Variants in SLC7A11 observed in about 807,000 individuals in gnomAD.
SLC7A11 encodes the protein solute carrier family 7 member 11.
In SLC7A11, 35 loss-of-function variants were observed where a neutral mutation model predicts 54.5. That is an observed-to-expected ratio of 0.64 (90% CI 0.49 to 0.85). The LOEUF (loss-of-function observed/expected upper bound fraction) is 0.85, where lower values mean the gene tolerates loss of function less well. Among genes scored for constraint, SLC7A11 ranks in the 40% least tolerant of loss-of-function variants. The pLI, the probability that SLC7A11 is intolerant of heterozygous loss-of-function variation, is 0.00. For missense variants in SLC7A11, 583 were observed against 618.1 expected, an observed-to-expected ratio of 0.94 and a Z score of 0.60; for synonymous variants, 230 against 225.2, an observed-to-expected ratio of 1.02 and a Z score of -0.19.
chr4:138,226,457 C>G (rs1287627714), intron 3 of SLC7A11, among the ~76,000 whole-genome samples: 3 of 151,954 alleles, frequency 2.0e-5, no homozygotes, highest in Non-Finnish European at 2.9e-5. Context: ...TCTTAAAACC[C>G]TGCTTTATCT....
intron 7 of SLC7A11, among the ~76,000 whole-genome samples, chr4:138,184,502 T>G (rs1182040509): frequency 6.6e-6 from 1 of 152,124 alleles, no homozygotes; most frequent in Admixed American, 6.6e-5. Context: ...CAAATAAATT[T>G]TGGAAAATGC....
At chr4:138,236,247 AC>A in intron 2 of SLC7A11, 77 bp downstream of exon 2, 1 of 1,294,686 alleles carries the variant, frequency 7.7e-7, no homozygotes, top group Non-Finnish European at 1.1e-6. Context: ...CATGTGTCTA[AC>A]CAGTTAAAAA....
chr4:138,194,893 A>T (rs1312955974), intron 6 of SLC7A11, among the ~76,000 whole-genome samples: 1 of 152,166 alleles, frequency 6.6e-6, no homozygotes, highest in Non-Finnish European at 1.5e-5. Context: ...ATCCCTAAAG[A>T]TTGTTTAATA....
At chr4:138,239,322 T>C (rs1426860225) in intron 1 of SLC7A11, among the ~76,000 whole-genome samples, 1 of 152,148 alleles carries the variant, frequency 6.6e-6, no homozygotes, top group East Asian at 1.9e-4. Context: ...TCAAGCTTCA[T>C]AACCATTTTG....
rs778305798 is a variant in SLC7A11, at chr4:138,167,928, G to A, written c.*4028C>T. The A allele has an allele frequency of 3.3e-5, 5 of 151,950 alleles. No homozygotes were observed. The highest frequency in any genetic ancestry group is 7.4e-5 in the Non-Finnish European group (5 of 67,988). The allele number at this position is 151,950 out of a possible 1,614,324, so 9.4% of individuals were successfully genotyped here. A position where few individuals can be genotyped will look rare whatever the true frequency, so the allele number is the denominator to read the frequency against. On this transcript the variant is annotated 3_prime_UTR_variant, in exon 12 of 12. Coordinates refer to ENST00000280612, the MANE Select transcript of SLC7A11 (RefSeq NM_014331.4). The stretch of plus-strand genomic sequence containing the variant: ...TATTTTTCTATAGTTCAGAATCAAC[G>A]TATAAAATATGATGAAAGTGAAACT...
At chr4:138,217,407 T>A (rs1219668838) in intron 5 of SLC7A11, among the ~76,000 whole-genome samples, 1 of 152,172 alleles carries the variant, frequency 6.6e-6, no homozygotes, top group Admixed American at 6.6e-5. Flanking sequence ...GGGGTCAGCA[T>A]CAATAAAGTT....
intron 6 of SLC7A11, among the ~76,000 whole-genome samples, chr4:138,197,066 C>T (rs1483108031): frequency 1.3e-5 from 2 of 152,248 alleles, no homozygotes; most frequent in East Asian, 1.9e-4. Flanking sequence ...AGAAAGATGT[C>T]AAGAATGAAA....
At chr4:138,239,690 C>G (rs1738331013) in intron 1 of SLC7A11, among the ~76,000 whole-genome samples, 1 of 151,862 alleles carries the variant, frequency 6.6e-6, no homozygotes, top group African/African-American at 2.4e-5. Context: ...TTTTTTTGAG[C>G]TTTTGCTTCA....
chr4:138,234,006 A>G (rs1184355287), intron 2 of SLC7A11, among the ~76,000 whole-genome samples: 2 of 152,186 alleles, frequency 1.3e-5, no homozygotes, highest in African/African-American at 4.8e-5. Context: ...GTATATTCAT[A>G]CTGAAGCCCT....
chr4:138,171,881 T>C lies in SLC7A11; in HGVS notation c.*75A>G. On this transcript the variant is annotated 3_prime_UTR_variant, in exon 12 of 12. Transcript: ENST00000280612. Reference sequence around the variant, plus strand: ...TCACCAAAGTTGTAATTCTCTAGACTTTCAGAAAATGAAGTAAAAATCCCT... The same window carrying C: ...TCACCAAAGTTGTAATTCTCTAGACCTTCAGAAAATGAAGTAAAAATCCCT... 6.5e-7 allele frequency: 1 copy of C among 1,540,576 alleles called. No homozygotes were observed. The highest frequency in any genetic ancestry group is 8.7e-7 in the Non-Finnish European group (1 of 1,153,260).
chr4:138,229,377 A>G (rs1738020965), intron 3 of SLC7A11, among the ~76,000 whole-genome samples: 1 of 152,182 alleles, frequency 6.6e-6, no homozygotes, highest in African/African-American at 2.4e-5. Context: ...TAGGGCACTG[A>G]TTTACATTAC....
intron 6 of SLC7A11, among the ~76,000 whole-genome samples, chr4:138,200,884 A>T (rs1737263456): frequency 6.6e-6 from 1 of 152,182 alleles, no homozygotes; most frequent in Non-Finnish European, 1.5e-5. Flanking sequence ...ACACACGGGT[A>T]ATATGATAAT....
rs1737075209 is a variant in SLC7A11, at chr4:138,194,117, G to GA, written c.792-8874dup. Among the ~76,000 whole-genome samples, 3 of 152,088 alleles carry GA rather than the reference G, an allele frequency of 2.0e-5. No individual in the cohort carries two copies. In the South Asian group the frequency reaches 6.2e-4, roughly 32 times the overall value. On this transcript the variant is annotated intron_variant, in intron 6 of 11. Transcript: ENST00000280612. ...GGAGCAGAGGGAAAGGTGGGAAAGA[G>GA]AAAAAAACAGAGTTGATGGGCTAAG...
intron 11 of SLC7A11, 93 bp downstream of exon 11, chr4:138,179,122 TAC>T: frequency 1.2e-6 from 1 of 823,096 alleles, no homozygotes; most frequent in South Asian, 2.0e-5. Context: ...TTGTGCCACT[TAC>T]ATTTTTAAAT....
intron 6 of SLC7A11, among the ~76,000 whole-genome samples, chr4:138,212,476 T>C (rs1737572369): frequency 6.6e-6 from 1 of 151,674 alleles, no homozygotes; most frequent in Admixed American, 6.6e-5. Flanking sequence ...ATTATTTCCA[T>C]TTTTTAGATA....
In SLC7A11 at chr4:138,182,345, GGA is replaced by G; in HGVS notation, c.1066_1067del (p.Ser356HisfsTer93). ...SREGHLPEIL[S>X]MIHVRKHTPL... is the part of the protein sequence containing the mutation. ...GAGTGTGCTTGCGGACATGAATCAT[GGA>G]GAGGATTTCTGGAAGGTGACCCTCT... is the stretch of plus-strand genomic sequence containing the variant. On this transcript the variant is annotated frameshift_variant, in exon 9 of 12. Coordinates refer to ENST00000280612, the MANE Select transcript of SLC7A11 (RefSeq NM_014331.4). LOFTEE classifies it high-confidence loss of function. 1 of 1,612,136 alleles carries G rather than the reference GGA, an allele frequency of 6.2e-7. No homozygotes were observed. Among genetic ancestry groups the G allele is most frequent in the Non-Finnish European group, 8.5e-7 (1 of 1,178,632 alleles).
chr4:138,179,187 C>T (rs1221799697), intron 11 of SLC7A11, 30 bp downstream of exon 11: 3 of 1,486,396 alleles, frequency 2.0e-6, no homozygotes, highest in Non-Finnish European at 2.8e-6. Context: ...TGGTGTTGCA[C>T]AATGTCCTGA....
intron 6 of SLC7A11, among the ~76,000 whole-genome samples, chr4:138,208,765 C>T (rs1194336885): frequency 1.3e-5 from 2 of 148,222 alleles, no homozygotes; most frequent in African/African-American, 2.5e-5. Flanking sequence ...TGGAGTCAGC[C>T]ATAATGTTAT....
rs1015969216 is a variant in SLC7A11, at chr4:138,164,546, A to G, written c.*7410T>C. 1 of 152,180 alleles carries G rather than the reference A, an allele frequency of 6.6e-6. No individual in the cohort carries two copies. Among genetic ancestry groups the G allele is most frequent in the Non-Finnish European group, 1.5e-5 (1 of 68,006 alleles). 9.4% of individuals were successfully genotyped at this position (152,180 alleles called of 1,614,324 possible). A position where few individuals can be genotyped will look rare whatever the true frequency, so the allele number is the denominator to read the frequency against. On this transcript the variant is annotated 3_prime_UTR_variant, in exon 12 of 12. Coordinates refer to ENST00000280612, the MANE Select transcript of SLC7A11 (RefSeq NM_014331.4). ...ATGAAAGTCTCTCTGCACCATTTAT[A>G]TCTTCATAGATAAATATCTTAGTTC...
Sources: allele counts gnomAD v4.1 joint callset (sites outside exome capture counted in the v4.1 genomes callset), GRCh38; gene constraint gnomAD v4.1.1; transcripts MANE v1.5; gene names NCBI Gene and HGNC (gene_info 2026-07-23, HGNC 2026-07-21).